BCKDHB: variants seen among roughly 807,000 people sequenced by gnomAD.
The protein encoded by BCKDHB is branched chain keto acid dehydrogenase E1 subunit beta.
A neutral mutation model predicts 48.5 loss-of-function variants in BCKDHB; 41 were observed. That is an observed-to-expected ratio of 0.85 (90% CI 0.66 to 1.10). BCKDHB has a LOEUF of 1.10. Ranked by LOEUF, BCKDHB falls within the 50% of genes least tolerant of loss-of-function variation. The pLI is 0.00. For synonymous variants in BCKDHB, 201 were observed against 174.8 expected (o/e 1.15, Z -1.18); for missense variants, 496 against 494.2 (o/e 1.00, Z -0.03).
At chr6:80,325,185 C>G (rs73748794) in intron 9 of BCKDHB, among the ~76,000 whole-genome samples, 5 of 152,194 alleles carry the variant, frequency 3.3e-5, no homozygotes, top group Admixed American at 3.3e-4. Flanking sequence ...TTTACTAGAT[C>G]AAACATGGTT....
intron 9 of BCKDHB, among the ~76,000 whole-genome samples, chr6:80,320,763 A>G (rs1315711274): frequency 6.6e-6 from 1 of 152,190 alleles, no homozygotes; most frequent in African/African-American, 2.4e-5. Flanking sequence ...AAAATTATCA[A>G]CATTTGGTTA....
At chr6:80,372,990 TTCTC>T in the BCKDHB span, among the ~76,000 whole-genome samples, 2 of 152,174 alleles carry the variant, frequency 1.3e-5, no homozygotes, top group Admixed American at 6.5e-5. Flanking sequence ...GATTCCTTCT[TTCTC>T]TATCTGTGGA....
chr6:80,158,814 TTTC>T (rs1236334027), intron 3 of BCKDHB, among the ~76,000 whole-genome samples: 6 of 152,308 alleles, frequency 3.9e-5, no homozygotes, highest in African/African-American at 1.4e-4. Context: ...AGCCAACAGA[TTTC>T]TTAGTAACCA....
At chr6:80,289,745 G>A (rs1766814318) in intron 9 of BCKDHB, among the ~76,000 whole-genome samples, 1 of 152,072 alleles carries the variant, frequency 6.6e-6, no homozygotes, top group East Asian at 1.9e-4. Context: ...GCTGACAGGG[G>A]CATCTCCCTG....
At chr6:80,175,454 A>G (rs1013037052) in intron 6 of BCKDHB, among the ~76,000 whole-genome samples, 11 of 152,218 alleles carry the variant, frequency 7.2e-5, no homozygotes, top group African/African-American at 2.7e-4. Flanking sequence ...ATGGTTTCCA[A>G]AAGAAGCTAT....
At chr6:80,274,621 G>T (rs1415028001) in intron 9 of BCKDHB, among the ~76,000 whole-genome samples, 1 of 151,962 alleles carries the variant, frequency 6.6e-6, no homozygotes, top group Non-Finnish European at 1.5e-5. Flanking sequence ...TTTGTTCACT[G>T]CTTATTGATA....
At chr6:80,204,601 C>T (rs1328115704) in intron 8 of BCKDHB, among the ~76,000 whole-genome samples, 1 of 151,838 alleles carries the variant, frequency 6.6e-6, no homozygotes, top group Admixed American at 6.6e-5. Flanking sequence ...TTTATGATGG[C>T]GCAGTGCGGA....
chr6:80,414,729 G>A, the BCKDHB span, among the ~76,000 whole-genome samples: 102 of 152,140 alleles, frequency 6.7e-4, no homozygotes, highest in African/African-American at 2.3e-3. Flanking sequence ...GATTGACTTG[G>A]CTATTGGGGC....
chr6:80,216,844 A>G (rs942051200), intron 8 of BCKDHB, among the ~76,000 whole-genome samples: 11 of 152,152 alleles, frequency 7.2e-5, no homozygotes, highest in East Asian at 3.8e-4. Flanking sequence ...TATCTTTTCT[A>G]TTATAACACC....
chr6:80,248,551 C>T (rs962729827), intron 8 of BCKDHB, among the ~76,000 whole-genome samples: 1 of 152,130 alleles, frequency 6.6e-6, no homozygotes, highest in African/African-American at 2.4e-5. Flanking sequence ...CCAGAATGCC[C>T]AGGCTTCTGG....
chr6:80,127,414 A>T, intron 1 of BCKDHB, 133 bp from the exon 2 acceptor site: 13 of 776,576 alleles, frequency 1.7e-5, no homozygotes, highest in South Asian at 1.4e-4. Context: ...GTATTATTGT[A>T]AATAATTCAG....
chr6:80,159,983 T>A (rs1772233721), intron 3 of BCKDHB, among the ~76,000 whole-genome samples: 1 of 152,232 alleles, frequency 6.6e-6, no homozygotes, highest in Admixed American at 6.5e-5. Context: ...AAATCCATAA[T>A]GGAAAGAAGA....
the BCKDHB span, among the ~76,000 whole-genome samples, chr6:80,403,327 A>G: frequency 0.026 from 3,952 of 151,952 alleles, 136 homozygotes; most frequent in African/African-American, 0.077. Context: ...GGTTAAATTT[A>G]TACCTAAGTA....
intron 8 of BCKDHB, among the ~76,000 whole-genome samples, chr6:80,269,746 A>T (rs1777656960): frequency 6.6e-6 from 1 of 152,174 alleles, no homozygotes; most frequent in Non-Finnish European, 1.5e-5. Flanking sequence ...TAAAAACTTT[A>T]AAATTTATTT....
chr6:80,229,447 G>A (rs975453626), intron 8 of BCKDHB, among the ~76,000 whole-genome samples: 1 of 152,130 alleles, frequency 6.6e-6, no homozygotes, highest in Non-Finnish European at 1.5e-5. Flanking sequence ...CCTATTGGAG[G>A]AACAGCAATA....
At chr6:80,393,326 A>T in the BCKDHB span, among the ~76,000 whole-genome samples, 191 of 152,220 alleles carry the variant, frequency 1.3e-3, no homozygotes, top group African/African-American at 4.5e-3. Context: ...CATATCTTTA[A>T]ATATAATCCT....
At chr6:80,190,109 T>A (rs765868507) in intron 6 of BCKDHB, among the ~76,000 whole-genome samples, 13 of 152,146 alleles carry the variant, frequency 8.5e-5, no homozygotes, top group Non-Finnish European at 1.2e-4. Flanking sequence ...GATAAGTATG[T>A]ATAGATCACA....
intron 8 of BCKDHB, among the ~76,000 whole-genome samples, chr6:80,267,071 T>G (rs986325446): frequency 6.6e-6 from 1 of 152,088 alleles, no homozygotes; most frequent in South Asian, 2.1e-4. Context: ...TATCTTTTAC[T>G]AATATACAAA....
intron 9 of BCKDHB, among the ~76,000 whole-genome samples, chr6:80,319,079 C>CT (rs1471616510): frequency 6.6e-6 from 1 of 152,144 alleles, no homozygotes; most frequent in Non-Finnish European, 1.5e-5. Flanking sequence ...CCAGAGGCAG[C>CT]TAGGGTTGAG....
Sources: allele counts gnomAD v4.1 joint callset (sites outside exome capture counted in the v4.1 genomes callset), GRCh38; gene constraint gnomAD v4.1.1; transcripts MANE v1.5; gene names NCBI Gene and HGNC (gene_info 2026-07-23, HGNC 2026-07-21).